Variants in XYLT1 observed in about 807,000 individuals in gnomAD.
XYLT1 encodes the protein beta-D-xylosyltransferase 1.
XYLT1 carries 36 observed loss-of-function variants against 91.3 expected under a neutral mutation model. The ratio of observed to expected loss-of-function variants is 0.39; its 90% confidence interval spans 0.30 to 0.52. The LOEUF (loss-of-function observed/expected upper bound fraction) is 0.52. Among genes scored for constraint, XYLT1 ranks in the 20% least tolerant of loss-of-function variants. The probability of loss-of-function intolerance (pLI) is 0.68; values close to 1 mark genes in which losing one functional copy is unlikely to be tolerated. For missense variants in XYLT1, 1,242 were observed against 1,284.5 expected, an observed-to-expected ratio of 0.97 and a Z score of 0.51; for synonymous variants, 588 against 532.0, an observed-to-expected ratio of 1.11 and a Z score of -1.45.
At chr16:17,307,641 G>T (rs1184464326) in intron 2 of XYLT1, among the ~76,000 whole-genome samples, 1 of 152,184 alleles carries the variant, frequency 6.6e-6, no homozygotes, top group African/African-American at 2.4e-5. Flanking sequence ...TCATAAGAGG[G>T]CTTCTCTGCA....
At chr16:17,181,140 C>T (rs187735204) in intron 5 of XYLT1, among the ~76,000 whole-genome samples, 15 of 152,252 alleles carry the variant, frequency 9.9e-5, no homozygotes, top group African/African-American at 3.4e-4. Flanking sequence ...TATGTTGTTT[C>T]ACCTCATTGG....
At chr16:17,350,154 G>T (rs559418511) in intron 2 of XYLT1, among the ~76,000 whole-genome samples, 1 of 152,150 alleles carries the variant, frequency 6.6e-6, no homozygotes, top group African/African-American at 2.4e-5. Context: ...GATTACAGGC[G>T]TGAGCCACCG....
chr16:17,303,937 GAC>G (rs1315176127), intron 2 of XYLT1, among the ~76,000 whole-genome samples: 1 of 152,138 alleles, frequency 6.6e-6, no homozygotes, highest in Admixed American at 6.5e-5. Flanking sequence ...TGATGTGGCA[GAC>G]ACACAAGATA....
chr16:17,106,625 C>G lies in XYLT1; in HGVS notation c.*2070G>C, dbSNP rs1567273892. 6.6e-6 allele frequency: 1 copy of G among 152,154 alleles called. No homozygotes were observed. The highest frequency in any genetic ancestry group is 1.5e-5 in the Non-Finnish European group (1 of 68,084). 9.4% of individuals were successfully genotyped at this position (152,154 alleles called of 1,614,324 possible). ...AACCACGGAGCAAGCAGGAATGGCC[C>G]AAACTCTCTGCAGCTAGCACATTCC... On this transcript the variant is annotated 3_prime_UTR_variant, in exon 12 of 12. Transcript: ENST00000261381.
chr16:17,390,763 C>A (rs958181476), intron 1 of XYLT1, among the ~76,000 whole-genome samples: 1 of 152,204 alleles, frequency 6.6e-6, no homozygotes, highest in Non-Finnish European at 1.5e-5. Flanking sequence ...TGGCCAGGGG[C>A]AGTGGCTCAC....
chr16:17,182,515 G>A (rs533144077), intron 5 of XYLT1, among the ~76,000 whole-genome samples: 43 of 152,224 alleles, frequency 2.8e-4, no homozygotes, highest in Admixed American at 2.6e-3. Flanking sequence ...TTAGAGCTTC[G>A]ACATATAAAT....
intron 10 of XYLT1, among the ~76,000 whole-genome samples, chr16:17,126,379 A>T (rs7201714): frequency 1.3e-5 from 2 of 152,198 alleles, no homozygotes; most frequent in Admixed American, 1.3e-4. Context: ...ACAGAATCGA[A>T]CTGGGGCAGT....
At chr16:17,361,028 G>T (rs8049582) in intron 1 of XYLT1, among the ~76,000 whole-genome samples, 1 of 152,104 alleles carries the variant, frequency 6.6e-6, no homozygotes, top group East Asian at 1.9e-4. Context: ...GCCCTCATTC[G>T]TCACAGCTCC....
intron 5 of XYLT1, among the ~76,000 whole-genome samples, chr16:17,175,151 CTG>C (rs2031913388): frequency 6.6e-6 from 1 of 152,110 alleles, no homozygotes; most frequent in Admixed American, 6.5e-5. Flanking sequence ...AAATTTCAAA[CTG>C]AGAAATAAAA....
At chr16:17,454,765 T>G (rs1352633235) in intron 1 of XYLT1, among the ~76,000 whole-genome samples, 2 of 151,932 alleles carry the variant, frequency 1.3e-5, no homozygotes. Flanking sequence ...GTAGCAAACT[T>G]CTGGCCCCAA....
chr16:17,236,432 C>CAAA (rs113892095), intron 3 of XYLT1, among the ~76,000 whole-genome samples: 6,603 of 100,498 alleles, frequency 0.066, 185 homozygotes, highest in African/African-American at 0.1. Flanking sequence ...ATGGAGAGTA[C>CAAA]AAAAAAAAAA....
intron 3 of XYLT1, among the ~76,000 whole-genome samples, chr16:17,221,163 CTT>C (rs1225201343): frequency 6.6e-6 from 1 of 152,118 alleles, no homozygotes; most frequent in East Asian, 1.9e-4. Flanking sequence ...GCCATCACTC[CTT>C]TTCAATATTC....
At chr16:17,425,725 C>G (rs1448801798) in intron 1 of XYLT1, among the ~76,000 whole-genome samples, 2 of 152,220 alleles carry the variant, frequency 1.3e-5, no homozygotes, top group African/African-American at 4.8e-5. Flanking sequence ...TTTCCCCCAG[C>G]ACACAGCCAG....
At chr16:17,174,078 C>T (rs560081595) in intron 5 of XYLT1, among the ~76,000 whole-genome samples, 2 of 152,118 alleles carry the variant, frequency 1.3e-5, no homozygotes, top group Non-Finnish European at 2.9e-5. Flanking sequence ...AGTTAGAGAC[C>T]AAACCAAGAC....
intron 5 of XYLT1, among the ~76,000 whole-genome samples, chr16:17,168,930 T>C (rs1372478558): frequency 6.6e-6 from 1 of 152,214 alleles, no homozygotes; most frequent in Non-Finnish European, 1.5e-5. Flanking sequence ...GCAAGGTTGT[T>C]TGTGACCCGG....
chr16:17,273,843 CAAAA>C (rs567464047), intron 2 of XYLT1, among the ~76,000 whole-genome samples: 1 of 112,074 alleles, frequency 8.9e-6, no homozygotes, highest in Non-Finnish European at 1.9e-5. Flanking sequence ...GAATCTGTCT[CAAAA>C]AAAAAAAAAA....
intron 2 of XYLT1, among the ~76,000 whole-genome samples, chr16:17,287,222 C>G (rs2034154738): frequency 1.3e-5 from 2 of 152,050 alleles, no homozygotes; most frequent in Admixed American, 1.3e-4. Context: ...TGTAGATGCT[C>G]CATCACCCAC....
chr16:17,212,536 CA>C (rs537058901), intron 3 of XYLT1, among the ~76,000 whole-genome samples: 95 of 152,258 alleles, frequency 6.2e-4, no homozygotes, highest in African/African-American at 2.1e-3. Context: ...GCTGTTGCCT[CA>C]AATGCTCATG....
intron 3 of XYLT1, among the ~76,000 whole-genome samples, chr16:17,205,190 T>C (rs556652746): frequency 2.0e-5 from 3 of 152,314 alleles, no homozygotes; most frequent in South Asian, 2.1e-4. Flanking sequence ...GCTCCCCCAG[T>C]AGATAGCTGT....
Sources: gnomAD v4.1 joint callset for allele counts (sites outside exome capture counted in the v4.1 genomes callset) on GRCh38, gnomAD v4.1.1 for gene constraint, MANE v1.5 for transcripts, NCBI Gene and HGNC (gene_info 2026-07-23, HGNC 2026-07-21) for gene names.